Variants in ZNF385D observed in about 807,000 individuals in gnomAD.
The protein encoded by ZNF385D is zinc finger protein 659.
In ZNF385D, 15 loss-of-function variants were observed where a neutral mutation model predicts 35.8. The ratio of observed to expected loss-of-function variants is 0.42; its 90% CI spans 0.28 to 0.64. ZNF385D has a LOEUF of 0.64. Among genes scored for constraint, ZNF385D ranks in the 30% least tolerant of loss-of-function variants. The pLI, the probability that ZNF385D is intolerant of heterozygous loss-of-function variation, is 0.23. For missense variants in ZNF385D, 474 were observed against 494.6 expected, an observed-to-expected ratio of 0.96 and a Z score of 0.39; for synonymous variants, 212 against 186.8, an observed-to-expected ratio of 1.13 and a Z score of -1.10.
chr3:22,218,810 A>T (rs1698060524), intron 2 of ZNF385D, among the ~76,000 whole-genome samples: 1 of 152,110 alleles, frequency 6.6e-6, no homozygotes, highest in South Asian at 2.1e-4. Context: ...TTTAATGTAT[A>T]TATTTTGTCC....
At chr3:21,986,164 T>G (rs1487116795) in intron 3 of ZNF385D, among the ~76,000 whole-genome samples, 1 of 67,940 alleles carries the variant, frequency 1.5e-5, no homozygotes, top group Non-Finnish European at 2.5e-5. Context: ...TGTCTCTATT[T>G]CCTTCAGTTC....
chr3:22,206,492 A>G (rs1697163431), intron 2 of ZNF385D, among the ~76,000 whole-genome samples: 1 of 152,084 alleles, frequency 6.6e-6, no homozygotes, highest in Non-Finnish European at 1.5e-5. Flanking sequence ...TTACCAGCAT[A>G]TGAATCATTC....
At chr3:22,163,702 G>A (rs1706120031) in intron 3 of ZNF385D, among the ~76,000 whole-genome samples, 1 of 152,080 alleles carries the variant, frequency 6.6e-6, no homozygotes, top group Admixed American at 6.5e-5. Context: ...TAAAGTACCT[G>A]TTTGGATAAA....
chr3:22,060,119 G>T (rs1699615195), intron 3 of ZNF385D, among the ~76,000 whole-genome samples: 1 of 152,140 alleles, frequency 6.6e-6, no homozygotes, highest in South Asian at 2.1e-4. Context: ...CAGACTAGGA[G>T]TTACACCCTT....
At chr3:21,992,163 C>G (rs1005965836) in intron 3 of ZNF385D, among the ~76,000 whole-genome samples, 1 of 152,164 alleles carries the variant, frequency 6.6e-6, no homozygotes, top group Admixed American at 6.6e-5. Context: ...TCCACTCTAA[C>G]CAAGCAATAC....
intron 3 of ZNF385D, among the ~76,000 whole-genome samples, chr3:22,079,774 A>G (rs6782385): frequency 0.13 from 20,483 of 151,972 alleles, 1,480 homozygotes; most frequent in African/African-American, 0.19. Context: ...CAAATAGTAT[A>G]TCTAATGAGA....
At chr3:22,073,900 A>T (rs1229592018) in intron 3 of ZNF385D, among the ~76,000 whole-genome samples, 1 of 151,980 alleles carries the variant, frequency 6.6e-6, no homozygotes, top group Non-Finnish European at 1.5e-5. Flanking sequence ...ATTCATGAAT[A>T]GTTTCGCATC....
intron 2 of ZNF385D, among the ~76,000 whole-genome samples, chr3:22,169,657 T>C (rs1369299325): frequency 2.6e-5 from 4 of 152,186 alleles, no homozygotes; most frequent in Admixed American, 6.6e-5. Flanking sequence ...GATAGCCTTA[T>C]AATCAGGGTA....
intron 3 of ZNF385D, among the ~76,000 whole-genome samples, chr3:21,562,623 A>G (rs1437296437): frequency 6.6e-6 from 1 of 152,234 alleles, no homozygotes; most frequent in Non-Finnish European, 1.5e-5. Flanking sequence ...CTCATTAAAT[A>G]TAAGAAGCTG....
Position 22,130,541 on chromosome 3 carries a change from T to G in ZNF385D, c.325+38276A>C, listed in dbSNP as rs560102385. Reference sequence around the variant, plus strand: ...AAATGCTTCCTCCAAGCTGGCCAAATCTGCTCCGTGTTGCTTTCTGCTGTG... The same window carrying G: ...AAATGCTTCCTCCAAGCTGGCCAAAGCTGCTCCGTGTTGCTTTCTGCTGTG... On this transcript the variant is annotated intron_variant, in intron 3 of 5. Coordinates refer to the ZNF385D transcript ENST00000494108. Among the ~76,000 whole-genome samples, 7 of 152,250 alleles carry G rather than the reference T, an allele frequency of 4.6e-5. No individual in the cohort carries two copies. In the East Asian group the frequency reaches 1.4e-3, roughly 29 times the overall value.
chr3:21,790,583 G>C (rs1359823892), intron 3 of ZNF385D, among the ~76,000 whole-genome samples: 2 of 152,174 alleles, frequency 1.3e-5, no homozygotes, highest in African/African-American at 2.4e-5. Context: ...CACAGAAGAT[G>C]TGCAGTCAGA....
At chr3:22,291,185 T>C (rs1054463722) in intron 2 of ZNF385D, among the ~76,000 whole-genome samples, 2 of 152,164 alleles carry the variant, frequency 1.3e-5, no homozygotes, top group Non-Finnish European at 2.9e-5. Flanking sequence ...TGGTTGTTAC[T>C]TTCTGATTTC....
intron 2 of ZNF385D, among the ~76,000 whole-genome samples, chr3:21,657,160 A>G (rs2066096484): frequency 6.6e-6 from 1 of 151,990 alleles, no homozygotes; most frequent in Non-Finnish European, 1.5e-5. Flanking sequence ...GGATAGATAC[A>G]AAAGCCATTT....
At chr3:22,347,029 T>C (rs1210395276) in intron 2 of ZNF385D, among the ~76,000 whole-genome samples, 3 of 152,070 alleles carry the variant, frequency 2.0e-5, no homozygotes, top group Non-Finnish European at 2.9e-5. Context: ...ACCCACATAA[T>C]GTACAAACAA....
rs953644672 is a variant in ZNF385D at position 21,420,489 on chromosome 3, C to T, written c.*725G>A. The T allele has an allele frequency of 1.3e-5, 2 of 152,170 alleles. No individual in the cohort carries two copies. The highest frequency in any genetic ancestry group is 4.8e-5 in the African/African-American group (2 of 41,444). 9.4% of individuals were successfully genotyped at this position (152,170 alleles called of 1,614,324 possible). On this transcript the variant is annotated 3_prime_UTR_variant, in exon 8 of 8. Transcript: ENST00000281523. ...TATTAATGCCTCCCCCATCTCTAAG[C>T]TTAGCCCTGTTATATCTTCAAGCTA...
At chr3:22,194,909 G>C (rs1282406267) in intron 2 of ZNF385D, among the ~76,000 whole-genome samples, 2 of 151,798 alleles carry the variant, frequency 1.3e-5, no homozygotes, top group East Asian at 3.9e-4. Flanking sequence ...AAGGACACTA[G>C]CGTTTTTCCA....
At chr3:21,546,844 C>A (rs562520420) in intron 3 of ZNF385D, among the ~76,000 whole-genome samples, 3 of 146,818 alleles carry the variant, frequency 2.0e-5, no homozygotes, top group Non-Finnish European at 4.5e-5. Flanking sequence ...TAGCCCCCCC[C>A]GCTTCATGGG....
intron 4 of ZNF385D, among the ~76,000 whole-genome samples, chr3:21,455,477 C>A (rs1046066721): frequency 1.3e-5 from 2 of 152,220 alleles, no homozygotes; most frequent in African/African-American, 2.4e-5. Flanking sequence ...GAAAAACAAG[C>A]AATGGGGAAA....
intron 2 of ZNF385D, among the ~76,000 whole-genome samples, chr3:22,182,871 T>A (rs11922160): frequency 0.028 from 4,193 of 152,136 alleles, 191 homozygotes; most frequent in African/African-American, 0.095. Flanking sequence ...TGTAGGAGAC[T>A]TTAGTAAATG....
Sources: allele counts gnomAD v4.1 joint callset (sites outside exome capture counted in the v4.1 genomes callset), GRCh38; gene constraint gnomAD v4.1.1; transcripts MANE v1.5; gene names NCBI Gene and HGNC (gene_info 2026-07-23, HGNC 2026-07-21).